KCNMA1: variants seen among roughly 807,000 people sequenced by gnomAD.
KCNMA1 encodes Calcium-activated potassium channel subunit alpha-1.
Under a neutral mutation model 140.0 loss-of-function variants are expected in KCNMA1, and 29 were observed. The ratio of observed to expected loss-of-function variants is 0.21; its 90% CI spans 0.15 to 0.28. The LOEUF is 0.28. Among genes scored for constraint, KCNMA1 ranks in the 10% least tolerant of loss-of-function variants. The probability of loss-of-function intolerance (pLI) is 1.00; values close to 1 mark genes in which losing one functional copy is unlikely to be tolerated. For missense variants in KCNMA1, 880 were observed against 1,602.2 expected (o/e 0.55, Z 7.70); for synonymous variants, 612 against 611.9 (o/e 1.00, Z 0.00).
chr10:77,264,896 C>G (rs1268455234), intron 2 of KCNMA1, among the ~76,000 whole-genome samples: 1 of 152,130 alleles, frequency 6.6e-6, no homozygotes, highest in African/African-American at 2.4e-5. Context: ...TCATTCAGTG[C>G]ACAAAGTTGC....
At chr10:77,210,852 A>G (rs1214082750) in intron 3 of KCNMA1, among the ~76,000 whole-genome samples, 5 of 152,146 alleles carry the variant, frequency 3.3e-5, no homozygotes, top group African/African-American at 1.2e-4. Context: ...GAGCACAGCT[A>G]AAAAAGGAAG....
At chr10:76,934,522 C>T (rs2060039015) in intron 23 of KCNMA1, among the ~76,000 whole-genome samples, 1 of 152,196 alleles carries the variant, frequency 6.6e-6, no homozygotes, top group Non-Finnish European at 1.5e-5. Flanking sequence ...GTTCCAAGCC[C>T]TGTATCCTTA....
chr10:77,249,022 C>G (rs879076449), intron 3 of KCNMA1, among the ~76,000 whole-genome samples: 2 of 152,134 alleles, frequency 1.3e-5, no homozygotes, highest in African/African-American at 4.8e-5. Flanking sequence ...ATAAACAAAG[C>G]CTTGCTATGC....
At chr10:77,112,797 C>T (rs1226659535) in intron 6 of KCNMA1, among the ~76,000 whole-genome samples, 2 of 152,044 alleles carry the variant, frequency 1.3e-5, no homozygotes, top group Non-Finnish European at 2.9e-5. Flanking sequence ...TGCTTTTTCT[C>T]TTATCCCCCC....
chr10:77,174,804 T>G (rs1263688375), intron 5 of KCNMA1, among the ~76,000 whole-genome samples: 1 of 152,214 alleles, frequency 6.6e-6, no homozygotes, highest in Non-Finnish European at 1.5e-5. Context: ...GTGCTTCTCA[T>G]GCACAGTAAA....
chr10:77,334,810 CAAGTA>C (rs1426624682), intron 2 of KCNMA1, among the ~76,000 whole-genome samples: 16 of 152,178 alleles, frequency 1.1e-4, no homozygotes, highest in East Asian at 5.8e-4. Flanking sequence ...GAAAAATAAA[CAAGTA>C]AAGTTAATTT....
chr10:77,637,243 G>T (rs1043939160), intron 1 of KCNMA1, 22 bp downstream of exon 1: 1 of 1,582,950 alleles, frequency 6.3e-7, no homozygotes, highest in Non-Finnish European at 8.6e-7. Flanking sequence ...CGCAGAGGGC[G>T]GGCGCCCGGG....
chr10:77,435,507 G>T (rs1292643636), intron 1 of KCNMA1, among the ~76,000 whole-genome samples: 3 of 152,140 alleles, frequency 2.0e-5, no homozygotes, highest in Non-Finnish European at 4.4e-5. Flanking sequence ...TTCTCCCTGA[G>T]ATAACTAGAA....
At chr10:77,419,386 G>T (rs2096820519) in intron 1 of KCNMA1, among the ~76,000 whole-genome samples, 1 of 152,162 alleles carries the variant, frequency 6.6e-6, no homozygotes, top group Admixed American at 6.5e-5. Context: ...TGGAGGAGCA[G>T]ATCCGGAAGA....
intron 5 of KCNMA1, among the ~76,000 whole-genome samples, chr10:77,170,113 C>T (rs939548923): frequency 1.3e-5 from 2 of 152,142 alleles, no homozygotes; most frequent in Non-Finnish European, 2.9e-5. Flanking sequence ...ATCACTTGAA[C>T]CCAGGAGGCG....
intron 2 of KCNMA1, among the ~76,000 whole-genome samples, chr10:77,267,688 C>T (rs2063806250): frequency 6.6e-6 from 1 of 152,158 alleles, no homozygotes; most frequent in African/African-American, 2.4e-5. Flanking sequence ...TCTTTCTCTC[C>T]AAGAAAATTT....
chr10:77,297,832 A>AT (rs2075581248), intron 2 of KCNMA1, among the ~76,000 whole-genome samples: 1 of 152,150 alleles, frequency 6.6e-6, no homozygotes, highest in African/African-American at 2.4e-5. Flanking sequence ...GATGTCTTTA[A>AT]TTTCCTGGTT....
intron 20 of KCNMA1, among the ~76,000 whole-genome samples, chr10:76,958,987 G>A (rs2069661289): frequency 6.6e-6 from 1 of 152,024 alleles, no homozygotes; most frequent in Non-Finnish European, 1.5e-5. Context: ...ATTTAAGGGG[G>A]GGAAAAAAGC....
chr10:77,037,862 G>A (rs559929072), intron 15 of KCNMA1, among the ~76,000 whole-genome samples: 1 of 152,228 alleles, frequency 6.6e-6, no homozygotes, highest in South Asian at 2.1e-4. Context: ...CAGGGAGGGG[G>A]AGATCCCCTG....
At chr10:77,064,047 G>A (rs1029633967) in intron 14 of KCNMA1, 35 of 985,182 alleles carry the variant, frequency 3.6e-5, no homozygotes, top group African/African-American at 3.5e-5. Flanking sequence ...GCTGGGCACC[G>A]GACTCTGTGT....
At chr10:77,232,785 T>C (rs996283802) in intron 3 of KCNMA1, among the ~76,000 whole-genome samples, 1 of 152,232 alleles carries the variant, frequency 6.6e-6, no homozygotes, top group Non-Finnish European at 1.5e-5. Flanking sequence ...AGTTTAAATG[T>C]TTTTGCTCTC....
intron 19 of KCNMA1, among the ~76,000 whole-genome samples, chr10:76,972,537 A>G (rs1403750411): frequency 2.0e-5 from 3 of 152,204 alleles, no homozygotes; most frequent in Admixed American, 6.5e-5. Context: ...GAGAGTTGCA[A>G]GTTAATACCT....
chr10:77,235,705 T>C (rs929103059), intron 3 of KCNMA1, among the ~76,000 whole-genome samples: 4 of 152,198 alleles, frequency 2.6e-5, no homozygotes, highest in Non-Finnish European at 5.9e-5. Flanking sequence ...TCTGGAAGCA[T>C]CCACTTCATG....
intron 1 of KCNMA1, among the ~76,000 whole-genome samples, chr10:77,536,592 T>C (rs911469125): frequency 2.0e-5 from 3 of 152,058 alleles, no homozygotes; most frequent in Admixed American, 2.0e-4. Flanking sequence ...CTCCCCCAGG[T>C]AGAGATGAGG....
Sources: allele counts gnomAD v4.1 joint callset (sites outside exome capture counted in the v4.1 genomes callset), GRCh38; gene constraint gnomAD v4.1.1; transcripts MANE v1.5; gene names NCBI Gene and HGNC (gene_info 2026-07-23, HGNC 2026-07-21).